Variants in ILRUN observed in about 807,000 individuals in gnomAD.
ILRUN encodes the protein inflammation and lipid regulator with UBA-like and NBR1-like domains.
A neutral mutation model predicts 33.8 loss-of-function variants in ILRUN; 3 were observed. The ratio of observed to expected loss-of-function variants is 0.09; its 90% confidence interval spans 0.04 to 0.23. The LOEUF is 0.23. Ranked by LOEUF, ILRUN falls within the 10% of genes least tolerant of loss-of-function variation. The pLI is 1.00. For synonymous variants in ILRUN, 124 were observed against 138.9 expected, an observed-to-expected ratio of 0.89 and a Z score of 0.75; for missense variants, 210 against 375.1, an observed-to-expected ratio of 0.56 and a Z score of 3.64.
chr6:34,625,237 T>C (rs1762095921), intron 3 of ILRUN, among the ~76,000 whole-genome samples: 1 of 152,180 alleles, frequency 6.6e-6, no homozygotes, highest in Admixed American at 6.6e-5. Flanking sequence ...TCTTTGGTCT[T>C]ATCCAGCTTT....
At chr6:34,695,207 A>G (rs139637147) in intron 1 of ILRUN, among the ~76,000 whole-genome samples, 12 of 152,326 alleles carry the variant, frequency 7.9e-5, no homozygotes, top group African/African-American at 2.9e-4. Context: ...TGAGGCATTC[A>G]GTGGATAAGG....
chr6:34,650,970 C>T (rs368933166), intron 2 of ILRUN, among the ~76,000 whole-genome samples: 1 of 152,096 alleles, frequency 6.6e-6, no homozygotes, highest in East Asian at 1.9e-4. Context: ...AGTAAGACAG[C>T]CAGAGGAAAA....
intron 3 of ILRUN, among the ~76,000 whole-genome samples, chr6:34,614,722 ACT>A (rs1761844230): frequency 6.6e-6 from 1 of 151,910 alleles, no homozygotes; most frequent in South Asian, 2.1e-4. Context: ...AAAAACAGTA[ACT>A]CTACAATAGA....
chr6:34,607,038 C>T (rs1268626393), intron 3 of ILRUN, 134 bp from the exon 4 acceptor site: 6 of 690,456 alleles, frequency 8.7e-6, no homozygotes, highest in African/African-American at 1.8e-5. Flanking sequence ...TAAAAGCTTG[C>T]TAACAAAGCT....
intron 1 of ILRUN, among the ~76,000 whole-genome samples, chr6:34,689,193 G>T (rs1253278679): frequency 6.6e-6 from 1 of 151,864 alleles, no homozygotes; most frequent in Non-Finnish European, 1.5e-5. Context: ...ATTTTGCCAG[G>T]CACAGTACTG....
At chr6:34,614,093 T>C (rs1002308330) in intron 3 of ILRUN, among the ~76,000 whole-genome samples, 5 of 152,114 alleles carry the variant, frequency 3.3e-5, no homozygotes, top group Non-Finnish European at 7.4e-5. Flanking sequence ...ATAAATAACA[T>C]AGTTTTAAGT....
chr6:34,640,794 G>T (rs1283513535), intron 3 of ILRUN, among the ~76,000 whole-genome samples: 1 of 151,906 alleles, frequency 6.6e-6, no homozygotes, highest in African/African-American at 2.4e-5. Flanking sequence ...AAAGATTACA[G>T]AAGCAGCCAG....
intron 3 of ILRUN, among the ~76,000 whole-genome samples, chr6:34,634,756 A>C (rs543260842): frequency 6.6e-6 from 1 of 152,228 alleles, no homozygotes; most frequent in Non-Finnish European, 1.5e-5. Context: ...ACCTTAATAG[A>C]CCTATAACTA....
intron 1 of ILRUN, among the ~76,000 whole-genome samples, chr6:34,692,246 G>C (rs926219236): frequency 1.3e-5 from 2 of 152,216 alleles, no homozygotes; most frequent in African/African-American, 4.8e-5. Context: ...TTATAGGCGT[G>C]AGCTACTGCA....
At chr6:34,622,841 G>T (rs6939783) in intron 3 of ILRUN, among the ~76,000 whole-genome samples, 1 of 152,046 alleles carries the variant, frequency 6.6e-6, no homozygotes, top group African/African-American at 2.4e-5. Flanking sequence ...GCCAAAAGGC[G>T]GAAGTAACCC....
At chr6:34,670,633 T>C (rs547941136) in intron 1 of ILRUN, among the ~76,000 whole-genome samples, 2 of 151,856 alleles carry the variant, frequency 1.3e-5, no homozygotes, top group South Asian at 4.2e-4. Context: ...GGCAGCTCAC[T>C]TGAGGTCAGG....
chr6:34,644,790 G>A (rs1366153226), intron 3 of ILRUN, among the ~76,000 whole-genome samples: 1 of 152,098 alleles, frequency 6.6e-6, no homozygotes, highest in Admixed American at 6.5e-5. Flanking sequence ...AAGAAGGAAA[G>A]GTGACTCAGG....
In ILRUN at chr6:34,588,363, A is replaced by C; in HGVS notation, c.*2202T>G. ...TGAAGCCCCTGCTGGGAAACTGGGAAGGGGCACCCAGTGTTGGGCAGAAGA... is the reference window on the plus strand; with the variant it reads ...TGAAGCCCCTGCTGGGAAACTGGGACGGGGCACCCAGTGTTGGGCAGAAGA... On this transcript the variant is annotated 3_prime_UTR_variant, in exon 5 of 5. Coordinates refer to ENST00000374023, the MANE Select transcript of ILRUN (RefSeq NM_024294.4). The C allele has an allele frequency of 2.5e-6, 1 of 397,558 alleles. No homozygotes were observed. The allele number at this position is 397,558 out of a possible 1,614,324, so 24.6% of individuals were successfully genotyped here.
At chr6:34,670,859 A>G (rs997715430) in intron 1 of ILRUN, among the ~76,000 whole-genome samples, 4 of 151,496 alleles carry the variant, frequency 2.6e-5, no homozygotes, top group African/African-American at 7.3e-5. Context: ...AAAAAAAAAA[A>G]AAAGAAAAGA....
chr6:34,628,020 T>A (rs1762174124), intron 3 of ILRUN, among the ~76,000 whole-genome samples: 1 of 152,100 alleles, frequency 6.6e-6, no homozygotes. Context: ...CACTTTTTTC[T>A]TTTTTGAGAT....
In ILRUN at chr6:34,634,299, T is replaced by TA. The variant is rs201494948; in HGVS notation, c.511+12301dup. ...GCATTCACTGCAGTGTCTAAAAATTTAAAAAAAAATACATTTCAGAAGTTG... is the reference window on the plus strand; with the variant it reads ...GCATTCACTGCAGTGTCTAAAAATTTAAAAAAAAAATACATTTCAGAAGTTG... On this transcript the variant is annotated intron_variant, in intron 3 of 4. Coordinates refer to ENST00000374023, the MANE Select transcript of ILRUN (RefSeq NM_024294.4). Among the ~76,000 whole-genome samples, 695 of 150,882 alleles carry TA rather than the reference T, an allele frequency of 4.6e-3. 6 individuals carry two copies. The highest frequency in any genetic ancestry group is 0.016 in the African/African-American group (645 of 41,198).
intron 3 of ILRUN, among the ~76,000 whole-genome samples, chr6:34,632,276 A>C (rs1056148378): frequency 1.1e-4 from 16 of 152,072 alleles, no homozygotes; most frequent in African/African-American, 2.9e-4. Flanking sequence ...CCCCGTCTCT[A>C]CTCAAAATAC....
chr6:34,683,308 A>T (rs1044073491), intron 1 of ILRUN, among the ~76,000 whole-genome samples: 3 of 150,508 alleles, frequency 2.0e-5, no homozygotes, highest in Non-Finnish European at 4.4e-5. Flanking sequence ...GAGCAAAGAC[A>T]ATCAAAAGCA....
intron 1 of ILRUN, among the ~76,000 whole-genome samples, chr6:34,673,074 C>A (rs1335537600): frequency 6.6e-6 from 1 of 152,184 alleles, no homozygotes; most frequent in African/African-American, 2.4e-5. Flanking sequence ...CTTCAAAATT[C>A]TGAGAAAAAT....
Sources: gnomAD v4.1 joint callset for allele counts (sites outside exome capture counted in the v4.1 genomes callset) on GRCh38, gnomAD v4.1.1 for gene constraint, MANE v1.5 for transcripts, NCBI Gene and HGNC (gene_info 2026-07-23, HGNC 2026-07-21) for gene names.